Variants in CHN2 observed in about 807,000 individuals in gnomAD.
CHN2 encodes beta-chimaerin.
CHN2 carries 35 observed loss-of-function variants against 56.3 expected under a neutral mutation model. The ratio of observed to expected loss-of-function variants is 0.62; its 90% CI spans 0.47 to 0.82. The LOEUF (loss-of-function observed/expected upper bound fraction) is 0.82. Ranked by LOEUF, CHN2 falls within the 40% of genes least tolerant of loss-of-function variation. The pLI is 0.00. For missense variants in CHN2, 491 were observed against 580.5 expected (o/e 0.85, Z 1.58); for synonymous variants, 210 against 212.8 (o/e 0.99, Z 0.12).
chr7:29,459,426 A>G lies in CHN2; in HGVS notation c.577-20853A>G, dbSNP rs554819648. ...GCCCTGGAGGAATCAGGGTAAGGTC[A>G]TGCCGGCTGGGCCTTCTCCCTAGTT... On this transcript the variant is annotated intron_variant, in intron 6 of 12. Transcript: ENST00000222792. 5.3e-4 allele frequency among the ~76,000 whole-genome samples: 80 copies of G among 152,302 alleles called. 1 individual carries two copies. The South Asian group carries it at 7.5e-3, about 14-fold the overall frequency.
intron 1 of CHN2, among the ~76,000 whole-genome samples, chr7:29,286,683 G>A (rs2128865626): frequency 6.6e-6 from 1 of 152,298 alleles, no homozygotes; most frequent in South Asian, 2.1e-4. Context: ...GGATGGATGA[G>A]TTCCCAGATC....
chr7:29,147,197 T>A, intron 2 of CHN2: 1 of 543,318 alleles, frequency 1.8e-6, no homozygotes, highest in Non-Finnish European at 3.2e-6. Context: ...GAGCAAGAAC[T>A]AAAAAAGGCA....
rs70980534 is a variant in CHN2 at position 29,375,190 on chromosome 7, CTTTT to C, written c.144+7228_144+7231del. Among the ~76,000 whole-genome samples the C allele has an allele frequency of 2.8e-3, 218 of 77,936 alleles. 34 individuals are homozygous for C. Among genetic ancestry groups the C allele is most frequent in the African/African-American group, 0.012 (187 of 16,198 alleles). 51.1% of individuals were successfully genotyped at this position (77,936 alleles called of 152,430 possible). A position where few individuals can be genotyped will look rare whatever the true frequency, so the allele number is the denominator to read the frequency against. ...CAAGCATGAGCCACCGTGCTCGGCC[CTTTT>C]TTTTTTTTTTTTTTTTTTTTTTTTG... On this transcript the variant is annotated intron_variant, in intron 3 of 12. Coordinates refer to ENST00000222792, the MANE Select transcript of CHN2 (RefSeq NM_004067.4).
intron 3 of CHN2, among the ~76,000 whole-genome samples, chr7:29,387,150 C>G (rs1270414426): frequency 6.6e-6 from 1 of 152,136 alleles, no homozygotes; most frequent in African/African-American, 2.4e-5. Context: ...GGAGAGAAAC[C>G]CTCAGGACTC....
intron 2 of CHN2, among the ~76,000 whole-genome samples, chr7:29,182,509 A>G (rs147501456): frequency 6.6e-6 from 1 of 152,344 alleles, no homozygotes; most frequent in East Asian, 1.9e-4. Context: ...CTATTTAACT[A>G]CTTGACAAGT....
intron 6 of CHN2, among the ~76,000 whole-genome samples, chr7:29,430,310 C>A (rs1782747308): frequency 6.6e-6 from 1 of 152,124 alleles, no homozygotes; most frequent in Admixed American, 6.6e-5. Context: ...AACAAGTGCA[C>A]AGGAAGATTG....
intron 2 of CHN2, among the ~76,000 whole-genome samples, chr7:29,366,208 G>A (rs1799144550): frequency 6.6e-6 from 1 of 152,140 alleles, no homozygotes; most frequent in African/African-American, 2.4e-5. Context: ...TTAGAGGAGG[G>A]TTCTGAGCAG....
At chr7:29,365,114 G>A (rs758632186) in intron 2 of CHN2, among the ~76,000 whole-genome samples, 2 of 152,184 alleles carry the variant, frequency 1.3e-5, no homozygotes, top group Non-Finnish European at 2.9e-5. Context: ...TCCATCGGAA[G>A]ACGTACCATA....
chr7:29,354,760 C>A, intron 2 of CHN2, 97 bp downstream of exon 2: 1 of 1,070,470 alleles, frequency 9.3e-7, no homozygotes, highest in South Asian at 1.3e-5. Flanking sequence ...AGCGTTCCCA[C>A]CTCACAGCAC....
intron 1 of CHN2, among the ~76,000 whole-genome samples, chr7:29,225,841 A>T (rs1196697928): frequency 6.6e-6 from 1 of 152,174 alleles, no homozygotes; most frequent in East Asian, 1.9e-4. Flanking sequence ...GTCACTGAGC[A>T]TTACTGTAGT....
intron 3 of CHN2, among the ~76,000 whole-genome samples, chr7:29,388,463 T>G (rs556878573): frequency 6.7e-6 from 1 of 148,546 alleles, no homozygotes; most frequent in African/African-American, 2.5e-5. Context: ...CGCCAGGCAC[T>G]GTTGCAAGCA....
intron 2 of CHN2, among the ~76,000 whole-genome samples, chr7:29,163,203 G>C (rs891971567): frequency 6.6e-6 from 1 of 152,050 alleles, no homozygotes; most frequent in Non-Finnish European, 1.5e-5. Flanking sequence ...ATATGAATCT[G>C]TTTCTCCATT....
intron 12 of CHN2, among the ~76,000 whole-genome samples, chr7:29,511,341 A>T (rs1204028726): frequency 6.6e-6 from 1 of 152,238 alleles, no homozygotes; most frequent in Non-Finnish European, 1.5e-5. Context: ...TGGGTATCAC[A>T]TCTGGCTTTC....
intron 1 of CHN2, among the ~76,000 whole-genome samples, chr7:29,314,487 T>C (rs1794818011): frequency 6.6e-6 from 1 of 152,234 alleles, no homozygotes; most frequent in Non-Finnish European, 1.5e-5. Flanking sequence ...TACCTAACGC[T>C]ACTGAACTGT....
rs1460187233 is a variant in CHN2, at chr7:29,220,789, T to C, written c.49+25799T>C. On this transcript the variant is annotated intron_variant, in intron 1 of 12. Transcript: ENST00000222792. ...AAATAGAAAAAGATAAAACATTTCT[T>C]AAATCATGTGTGAAATCAGCCTAAC... 2.6e-5 allele frequency among the ~76,000 whole-genome samples: 4 copies of C among 152,186 alleles called. No individual in the cohort carries two copies. The East Asian group carries it at 7.7e-4, about 29-fold the overall frequency.
chr7:29,321,275 T>C (rs1362836476), intron 1 of CHN2, among the ~76,000 whole-genome samples: 12 of 152,198 alleles, frequency 7.9e-5, no homozygotes, highest in Admixed American at 7.9e-4. Context: ...GCCACCATGC[T>C]AAGAGCTTGC....
At chr7:29,215,359 A>G (rs1221047685) in intron 1 of CHN2, among the ~76,000 whole-genome samples, 1 of 152,098 alleles carries the variant, frequency 6.6e-6, no homozygotes, top group Non-Finnish European at 1.5e-5. Flanking sequence ...ATGTGGTCCT[A>G]GCTACTTGAG....
At chr7:29,364,345 A>G (rs1798971412) in intron 2 of CHN2, among the ~76,000 whole-genome samples, 1 of 152,196 alleles carries the variant, frequency 6.6e-6, no homozygotes, top group South Asian at 2.1e-4. Context: ...TTAGCTAAAA[A>G]TGCTTCTCTT....
chr7:29,232,324 T>C (rs1277335566), intron 1 of CHN2, among the ~76,000 whole-genome samples: 1 of 152,206 alleles, frequency 6.6e-6, no homozygotes, highest in African/African-American at 2.4e-5. Context: ...AAAAATGCAT[T>C]GTACTTTCCT....
Sources: gnomAD v4.1 joint callset for allele counts (sites outside exome capture counted in the v4.1 genomes callset) on GRCh38, gnomAD v4.1.1 for gene constraint, MANE v1.5 for transcripts, NCBI Gene and HGNC (gene_info 2026-07-23, HGNC 2026-07-21) for gene names.